Variants in GABRB3 observed in about 807,000 individuals in gnomAD.
The protein encoded by GABRB3 is gamma-aminobutyric acid type A receptor subunit beta3, also known as gamma-aminobutyric acid receptor subunit beta-3.
Under a neutral mutation model 52.1 loss-of-function variants are expected in GABRB3, and 14 were observed. That is an observed-to-expected ratio of 0.27 (90% CI 0.18 to 0.42). GABRB3 has a LOEUF of 0.42. Among genes scored for constraint, GABRB3 ranks in the 10% least tolerant of loss-of-function variants. The pLI is 1.00. For missense variants in GABRB3, 307 were observed against 609.1 expected (o/e 0.50, Z 5.22); for synonymous variants, 260 against 232.3 (o/e 1.12, Z -1.08).
At chr15:26,703,886 C>T (rs922452312) in intron 3 of GABRB3, among the ~76,000 whole-genome samples, 6 of 152,198 alleles carry the variant, frequency 3.9e-5, no homozygotes, top group South Asian at 2.1e-4. Context: ...GCTGGCTTTG[C>T]GGGACCCACA....
In GABRB3 at chr15:26,708,943, A is replaced by C. The variant is rs928407101; in HGVS notation, c.240+63459T>G. 5.5e-4 allele frequency among the ~76,000 whole-genome samples: 84 copies of C among 152,336 alleles called. 1 individual carries two copies. Among genetic ancestry groups the C allele is most frequent in the African/African-American group, 1.8e-3 (76 of 41,586 alleles). On this transcript the variant is annotated intron_variant, in intron 3 of 8. Coordinates refer to ENST00000311550, the MANE Select transcript of GABRB3 (RefSeq NM_000814.6). ...AGCACATAACTGGTATGTGTTAGCTATTACTATTAGTACTGCATATCTTAT... is the reference window on the plus strand; with the variant it reads ...AGCACATAACTGGTATGTGTTAGCTCTTACTATTAGTACTGCATATCTTAT...
chr15:26,644,158 T>A (rs748631418), intron 3 of GABRB3, among the ~76,000 whole-genome samples: 6 of 152,102 alleles, frequency 3.9e-5, no homozygotes, highest in Non-Finnish European at 7.4e-5. Context: ...CTGGTACAGA[T>A]TTTTGGTTTT....
chr15:26,749,398 C>T (rs1444078985), intron 3 of GABRB3, among the ~76,000 whole-genome samples: 1 of 152,096 alleles, frequency 6.6e-6, no homozygotes, highest in Non-Finnish European at 1.5e-5. Flanking sequence ...CTGTATAATA[C>T]TAATATTTTA....
chr15:26,573,374 T>C (rs1241669971), intron 6 of GABRB3, among the ~76,000 whole-genome samples: 1 of 152,126 alleles, frequency 6.6e-6, no homozygotes, highest in Non-Finnish European at 1.5e-5. Flanking sequence ...ATATAAGAAA[T>C]AGAAAAGAGA....
chr15:26,690,129 G>T (rs1888541922), intron 3 of GABRB3, among the ~76,000 whole-genome samples: 2 of 107,714 alleles, frequency 1.9e-5, no homozygotes, highest in Admixed American at 1.1e-4. Flanking sequence ...TTTGAGACAA[G>T]GTCTCACTCT....
intron 3 of GABRB3, among the ~76,000 whole-genome samples, chr15:26,761,697 C>T (rs1444920777): frequency 6.6e-6 from 1 of 152,166 alleles, no homozygotes; most frequent in Non-Finnish European, 1.5e-5. Flanking sequence ...CAGGAGGAAT[C>T]TCCAGGTATC....
chr15:26,562,067 T>A (rs1433834691), intron 7 of GABRB3, among the ~76,000 whole-genome samples: 1 of 152,122 alleles, frequency 6.6e-6, no homozygotes, highest in African/African-American at 2.4e-5. Flanking sequence ...CAATTCTCCC[T>A]CCCATAGCAA....
chr15:26,628,939 C>T (rs989407351), intron 3 of GABRB3: 2 of 1,532,268 alleles, frequency 1.3e-6, no homozygotes, highest in African/African-American at 2.7e-5. Context: ...CGCCTCCACT[C>T]CTTGTGACTG....
At chr15:26,589,223 G>A (rs1276163557) in intron 4 of GABRB3, among the ~76,000 whole-genome samples, 1 of 152,224 alleles carries the variant, frequency 6.6e-6, no homozygotes, top group African/African-American at 2.4e-5. Flanking sequence ...AACTCTTCAT[G>A]AATTGCATAA....
intron 3 of GABRB3, chr15:26,624,356 G>GT: frequency 1.0e-6 from 1 of 985,502 alleles, no homozygotes; most frequent in Non-Finnish European, 1.2e-6. Flanking sequence ...AGTTTCACTT[G>GT]TTTCTTTCTT....
intron 3 of GABRB3, among the ~76,000 whole-genome samples, chr15:26,668,235 A>G (rs150090084): frequency 1.6e-3 from 245 of 152,346 alleles, no homozygotes; most frequent in African/African-American, 5.7e-3. Context: ...AATGAATACA[A>G]TTTACTTAAC....
At chr15:26,730,261 C>G (rs1464702199) in intron 3 of GABRB3, among the ~76,000 whole-genome samples, 2 of 152,008 alleles carry the variant, frequency 1.3e-5, no homozygotes, top group African/African-American at 4.8e-5. Flanking sequence ...ATAAGACTTA[C>G]AGGATGAATA....
chr15:26,680,035 A>G (rs1196252279), intron 3 of GABRB3, among the ~76,000 whole-genome samples: 1 of 152,208 alleles, frequency 6.6e-6, no homozygotes, highest in East Asian at 1.9e-4. Context: ...AGATGTTGCT[A>G]TGGAGCTATT....
At chr15:26,727,219 T>C (rs1889797041) in intron 3 of GABRB3, among the ~76,000 whole-genome samples, 1 of 152,174 alleles carries the variant, frequency 6.6e-6, no homozygotes, top group Admixed American at 6.5e-5. Context: ...ACCTGAAATT[T>C]TGGTTATTAT....
chr15:26,672,958 T>G (rs1377127430), intron 3 of GABRB3, among the ~76,000 whole-genome samples: 2 of 152,066 alleles, frequency 1.3e-5, no homozygotes, highest in Non-Finnish European at 2.9e-5. Flanking sequence ...ATAAAAACAT[T>G]ACAAGCACAT....
chr15:26,717,808 C>G (rs1021722370), intron 3 of GABRB3, among the ~76,000 whole-genome samples: 1 of 152,176 alleles, frequency 6.6e-6, no homozygotes, highest in African/African-American at 2.4e-5. Flanking sequence ...TGGTATTTGG[C>G]GTTAACCAAG....
chr15:26,710,767 A>G (rs1191722773), intron 3 of GABRB3, among the ~76,000 whole-genome samples: 6 of 151,582 alleles, frequency 4.0e-5, no homozygotes, highest in African/African-American at 2.4e-5. Context: ...CCCATTTTTC[A>G]ACTGGGTTGT....
At chr15:26,727,415 ATTATTTTGT>A (rs1321348718) in intron 3 of GABRB3, among the ~76,000 whole-genome samples, 1 of 152,144 alleles carries the variant, frequency 6.6e-6, no homozygotes, top group Non-Finnish European at 1.5e-5. Flanking sequence ...AAATGATGTC[ATTATTTTGT>A]TGCTCAAATT....
At chr15:26,773,712 G>A (rs1299565081), upstream of GABRB3, 15 of 1,569,694 alleles carry the variant, frequency 9.6e-6, 1 homozygote, top group East Asian at 1.6e-4. Context: ...AGCTCCAGGA[G>A]CCCGGAGCAC....
Sources: gnomAD v4.1 joint callset for allele counts (sites outside exome capture counted in the v4.1 genomes callset) on GRCh38, gnomAD v4.1.1 for gene constraint, MANE v1.5 for transcripts, NCBI Gene and HGNC (gene_info 2026-07-23, HGNC 2026-07-21) for gene names.